The following EPB41L4B variants were observed in gnomAD, a reference collection of about 807,000 sequenced individuals.
The protein encoded by EPB41L4B is erythrocyte membrane protein band 4.1 like 4B, also known as band 4.1-like protein 4B.
In EPB41L4B, 30 loss-of-function variants were observed where a neutral mutation model predicts 112.5. That is an observed-to-expected ratio of 0.27 (90% confidence interval 0.20 to 0.36). The LOEUF (loss-of-function observed/expected upper bound fraction) is 0.36, where lower values mean the gene tolerates loss of function less well. EPB41L4B is among the 10% of genes least tolerant of loss of function. The pLI is 1.00. For missense variants in EPB41L4B, 1,024 were observed against 1,133.3 expected, an observed-to-expected ratio of 0.90 and a Z score of 1.38; for synonymous variants, 408 against 439.7, an observed-to-expected ratio of 0.93 and a Z score of 0.90.
chr9:109,256,009 A>C (rs1834969911), intron 9 of EPB41L4B, 127 bp downstream of exon 9: 1 of 1,120,564 alleles, frequency 8.9e-7, no homozygotes, highest in Non-Finnish European at 1.3e-6. Context: ...CAGACCCACA[A>C]CAGCAGCACC....
chr9:109,252,864 T>C (rs1011637281), intron 12 of EPB41L4B, among the ~76,000 whole-genome samples: 5 of 152,036 alleles, frequency 3.3e-5, no homozygotes, highest in Admixed American at 2.0e-4. Flanking sequence ...AGTTGTACTG[T>C]GTTCCGGGCC....
Position 109,194,282 on chromosome 9 carries a change from C to A in EPB41L4B, c.2161G>T (p.Val721Phe), listed in dbSNP as rs1325818645. 11 of 1,614,056 alleles carry A rather than the reference C, an allele frequency of 6.8e-6. No homozygotes were observed. In the South Asian group the frequency reaches 8.8e-5, roughly 13 times the overall value. The change falls in exon 21 of 26, where the codon GTC (valine) becomes TTC (phenylalanine). Residue 721 changes from valine to phenylalanine, a missense_variant. Physicochemically the swap from Val to Phe is conservative, Grantham distance 50. Coordinates refer to ENST00000374566, the MANE Select transcript of EPB41L4B (RefSeq NM_019114.5). ...TTGTGAGGCGAGCTGACATTCTGGA[C>A]CTTGGGGGACGGCAGCGGCACGGAG... ...QVSVPLPSPK[V>F]QNVSSPHKSE...
intron 1 of EPB41L4B, chr9:109,307,419 C>T (rs954468922): frequency 5.7e-6 from 2 of 352,364 alleles, no homozygotes; most frequent in African/African-American, 4.3e-5. Flanking sequence ...CCTCCTTTCT[C>T]AGGTTTCATC....
rs114832768 is a variant in EPB41L4B at position 109,187,414 on chromosome 9, G to T, written c.2302-1809C>A. Among the ~76,000 whole-genome samples the T allele has an allele frequency of 4.3e-3, 660 of 152,256 alleles. 4 individuals are homozygous for T. The highest frequency in any genetic ancestry group is 0.015 in the African/African-American group (630 of 41,578). On this transcript the variant is annotated intron_variant, in intron 22 of 25. Transcript: ENST00000374566. ...TTTGGGAGATGTAGAAATTGCATTT[G>T]CAAAGTCTTAGTCCATGGTTCATTT...
At chr9:109,182,874 T>A in intron 23 of EPB41L4B, 77 bp from the exon 24 acceptor site, 1 of 1,083,862 alleles carries the variant, frequency 9.2e-7, no homozygotes, top group East Asian at 2.4e-5. Context: ...AGCGCACCTT[T>A]AAAATGGAAC....
intron 13 of EPB41L4B, among the ~76,000 whole-genome samples, chr9:109,251,063 G>T (rs372723230): frequency 6.6e-6 from 1 of 152,222 alleles, no homozygotes; most frequent in African/African-American, 2.4e-5. Flanking sequence ...TTCAGTAAAG[G>T]TGTTTAATGT....
chr9:109,217,696 C>T (rs1833423734), intron 15 of EPB41L4B, among the ~76,000 whole-genome samples: 1 of 152,032 alleles, frequency 6.6e-6, no homozygotes, highest in Admixed American at 6.5e-5. Flanking sequence ...CTCAGCCTCC[C>T]AGGCAACTGG....
chr9:109,263,023 G>A (rs375844582), intron 6 of EPB41L4B, 27 bp downstream of exon 6: 25 of 1,504,600 alleles, frequency 1.7e-5, no homozygotes, highest in Middle Eastern at 1.7e-4. Context: ...ACATTAAAAT[G>A]CTAATTACTA....
chr9:109,190,764 T>C (rs898593816), intron 22 of EPB41L4B, among the ~76,000 whole-genome samples: 3 of 152,238 alleles, frequency 2.0e-5, no homozygotes, highest in Non-Finnish European at 4.4e-5. Flanking sequence ...TGCCCCTGTC[T>C]GGGCCTTGGT....
At chr9:109,251,222 CCACT>C (rs1423499726) in intron 13 of EPB41L4B, among the ~76,000 whole-genome samples, 6 of 152,352 alleles carry the variant, frequency 3.9e-5, no homozygotes, top group African/African-American at 1.2e-4. Context: ...CCTTTCCCAC[CCACT>C]GTTATCATAA....
intron 19 of EPB41L4B, 31 bp from the exon 20 acceptor site, chr9:109,200,365 C>G (rs1341591424): frequency 1.3e-6 from 2 of 1,568,314 alleles, no homozygotes; most frequent in African/African-American, 2.7e-5. Flanking sequence ...AGAACAATAC[C>G]ATCAAAAAAG....
chr9:109,185,404 G>T, intron 23 of EPB41L4B, 85 bp downstream of exon 23: 1 of 1,157,734 alleles, frequency 8.6e-7, no homozygotes, highest in Non-Finnish European at 1.3e-6. Flanking sequence ...GCTTCTGCAC[G>T]CCCACCCAGG....
chr9:109,313,006 C>T (rs149305131), intron 1 of EPB41L4B, among the ~76,000 whole-genome samples: 8 of 152,124 alleles, frequency 5.3e-5, no homozygotes, highest in East Asian at 1.9e-4. Context: ...TTTGGGAGGC[C>T]GCAGTGGGAG....
At chr9:109,181,480 T>A (rs982239205) in intron 24 of EPB41L4B, among the ~76,000 whole-genome samples, 4 of 152,230 alleles carry the variant, frequency 2.6e-5, no homozygotes, top group African/African-American at 9.6e-5. Context: ...AAATTCTTGG[T>A]CCCTTTTGAT....
At chr9:109,215,739 G>A (rs971198136) in intron 16 of EPB41L4B, among the ~76,000 whole-genome samples, 10 of 152,102 alleles carry the variant, frequency 6.6e-5, no homozygotes, top group African/African-American at 2.4e-4. Flanking sequence ...ATAAAAGTGA[G>A]TTTCTAGAAA....
At chr9:109,260,642 G>A (rs1204245462) in intron 6 of EPB41L4B, among the ~76,000 whole-genome samples, 4 of 151,920 alleles carry the variant, frequency 2.6e-5, no homozygotes, top group Admixed American at 2.0e-4. Context: ...CTTGAACTCC[G>A]GACCTCAGGT....
At position 109,207,981 on chromosome 9, in the gene EPB41L4B, A is replaced by T; in HGVS notation, c.1821T>A (p.His607Gln). 4.3e-6 allele frequency: 7 copies of T among 1,614,226 alleles called. No homozygotes were observed. Among genetic ancestry groups the T allele is most frequent in the Non-Finnish European group, 5.9e-6 (7 of 1,180,034 alleles). ...GGGCTTTCAGAATGTTACACTTCACATGATCCGCAACAGGGGAAGGCAAAA... is the reference window on the plus strand; with the variant it reads ...GGGCTTTCAGAATGTTACACTTCACTTGATCCGCAACAGGGGAAGGCAAAA... ...TPLLPSPVAD[H>Q]VKCNILKAQL... The change falls in exon 18 of 26, where the codon CAT (histidine) becomes CAA (glutamine). Residue 607 changes from histidine (H) to glutamine (Q), a missense_variant. His to Gln is a conservative substitution (Grantham distance 24). Coordinates refer to ENST00000374566, the MANE Select transcript of EPB41L4B (RefSeq NM_019114.5).
At chr9:109,285,388 C>G (rs1379848011) in intron 1 of EPB41L4B, among the ~76,000 whole-genome samples, 2 of 152,184 alleles carry the variant, frequency 1.3e-5, no homozygotes, top group African/African-American at 4.8e-5. Context: ...ATGCTAGATG[C>G]TCACTGAGCT....
chr9:109,255,751 G>A (rs2119026041), intron 10 of EPB41L4B, 23 bp downstream of exon 10: 1 of 1,612,750 alleles, frequency 6.2e-7, no homozygotes, highest in Non-Finnish European at 8.5e-7. Context: ...CAGCAAGGGG[G>A]AAGAAATGGG....
Sources: gnomAD v4.1 joint callset for allele counts (sites outside exome capture counted in the v4.1 genomes callset) on GRCh38, gnomAD v4.1.1 for gene constraint, MANE v1.5 for transcripts, NCBI Gene and HGNC (gene_info 2026-07-23, HGNC 2026-07-21) for gene names.